EXOC4: variants seen among roughly 807,000 people sequenced by gnomAD.
EXOC4 encodes SEC8-like 1.
Under a neutral mutation model 107.2 loss-of-function variants are expected in EXOC4, and 71 were observed. The ratio of observed to expected loss-of-function variants is 0.66; its 90% CI spans 0.55 to 0.81. The LOEUF is 0.81. Ranked by LOEUF, EXOC4 falls within the 30% of genes least tolerant of loss-of-function variation. EXOC4 has a pLI of 0.00. For synonymous variants in EXOC4, 456 were observed against 441.2 expected (o/e 1.03, Z -0.42); for missense variants, 1,108 against 1,189.6 (o/e 0.93, Z 1.01).
chr7:133,728,601 A>G (rs1006216388), intron 10 of EXOC4, among the ~76,000 whole-genome samples: 5 of 152,204 alleles, frequency 3.3e-5, no homozygotes, highest in East Asian at 1.9e-4. Flanking sequence ...CTTCATTGCC[A>G]TCTAGCTATT....
At chr7:133,526,349 G>T (rs192113165) in intron 9 of EXOC4, among the ~76,000 whole-genome samples, 7 of 152,160 alleles carry the variant, frequency 4.6e-5, no homozygotes, top group Non-Finnish European at 8.8e-5. Flanking sequence ...TTGATATCAG[G>T]TTAGGAATTT....
At chr7:133,646,439 C>CT (rs899096612) in intron 10 of EXOC4, among the ~76,000 whole-genome samples, 14 of 151,402 alleles carry the variant, frequency 9.2e-5, no homozygotes, top group African/African-American at 1.7e-4. Flanking sequence ...ATCTCATTTT[C>CT]TTTTTTTTTC....
chr7:133,752,083 C>G (rs1795806375), intron 10 of EXOC4, among the ~76,000 whole-genome samples: 1 of 152,056 alleles, frequency 6.6e-6, no homozygotes, highest in Admixed American at 6.6e-5. Context: ...ATCTCAGGAG[C>G]CCAGGAGTTT....
At chr7:133,941,606 A>G (rs1019347260) in intron 14 of EXOC4, among the ~76,000 whole-genome samples, 1 of 152,064 alleles carries the variant, frequency 6.6e-6, no homozygotes. Context: ...TTCCCCTACC[A>G]CACAGTACAC....
rs948247916 is a variant in EXOC4 at position 133,837,716 on chromosome 7, G to A, written c.1734+20172G>A. 2.0e-5 allele frequency among the ~76,000 whole-genome samples: 3 copies of A among 152,188 alleles called. No homozygotes were observed. In the East Asian group the frequency reaches 5.8e-4, roughly 29 times the overall value. ...TTCCAGTGAGGATTCTAATTCTAAC[G>A]TGGTTTTCACAAGCCTAAGTTTCAC... On this transcript the variant is annotated intron_variant, in intron 11 of 17. Transcript: ENST00000253861.
intron 2 of EXOC4, among the ~76,000 whole-genome samples, chr7:133,281,874 C>A (rs1260202984): frequency 6.6e-6 from 1 of 151,896 alleles, no homozygotes; most frequent in East Asian, 1.9e-4. Flanking sequence ...GCTAATATTT[C>A]TATTTTTTAG....
In EXOC4 at chr7:133,409,662, A is replaced by AT. The variant is rs574761610; in HGVS notation, c.1182+34663dup. 4.6e-5 allele frequency among the ~76,000 whole-genome samples: 7 copies of AT among 152,238 alleles called. No individual in the cohort carries two copies. The South Asian group carries it at 1.4e-3, about 32-fold the overall frequency. ...TATTAACAATTGACCTTATTCAGAC[A>AT]TTTGGCAGGCTGTGGTCATTATTAA... On this transcript the variant is annotated intron_variant, in intron 7 of 17. Coordinates refer to ENST00000253861, the MANE Select transcript of EXOC4 (RefSeq NM_021807.4).
At position 134,065,532 on chromosome 7, in the gene EXOC4, C is replaced by T. The variant is rs1361113116; in HGVS notation, c.*1004C>T. On this transcript the variant is annotated 3_prime_UTR_variant, in exon 18 of 18. Transcript: ENST00000253861. ...TGGCACACTGGACCTCACCATGTCC[C>T]CCGGTCACCAGTCCTCTTGCTGCCC... is the stretch of plus-strand genomic sequence containing the variant. 2 of 152,252 alleles carry T rather than the reference C, an allele frequency of 1.3e-5. No homozygotes were observed. The highest frequency in any genetic ancestry group is 1.3e-4 in the Admixed American group (2 of 15,284). The allele number at this position is 152,252 out of a possible 1,614,324, so 9.4% of individuals were successfully genotyped here.
rs148483211 is a variant in EXOC4, at chr7:133,321,703, A to G, written c.763+4313A>G. ...ATAAACATACATGTGCATGTGCTTT[A>G]TAGTAAAACGATTTATAATCTTTGG... On this transcript the variant is annotated intron_variant, in intron 5 of 17. Coordinates refer to ENST00000253861, the MANE Select transcript of EXOC4 (RefSeq NM_021807.4). Among the ~76,000 whole-genome samples the G allele has an allele frequency of 8.1e-4, 123 of 152,294 alleles. 1 individual carries two copies. The East Asian group carries it at 0.015, about 18-fold the overall frequency.
chr7:133,611,019 C>T (rs1281344955), intron 9 of EXOC4, among the ~76,000 whole-genome samples: 3 of 142,834 alleles, frequency 2.1e-5, no homozygotes, highest in East Asian at 4.1e-4. Context: ...GATGGAGTTT[C>T]ACCTGAACTC....
intron 6 of EXOC4, among the ~76,000 whole-genome samples, chr7:133,361,624 A>G (rs983911205): frequency 6.6e-6 from 1 of 152,194 alleles, no homozygotes; most frequent in African/African-American, 2.4e-5. Context: ...AATGTTTGAG[A>G]GTTCCTATAT....
At chr7:133,779,083 C>G (rs1796407358) in intron 10 of EXOC4, among the ~76,000 whole-genome samples, 1 of 152,184 alleles carries the variant, frequency 6.6e-6, no homozygotes. Context: ...ATTGATTCAC[C>G]TTGGTGAGTA....
chr7:133,503,890 G>C (rs1355514989), intron 9 of EXOC4, among the ~76,000 whole-genome samples: 1 of 152,034 alleles, frequency 6.6e-6, no homozygotes, highest in Non-Finnish European at 1.5e-5. Context: ...TCAGATTAGA[G>C]GGGTGGGGAG....
intron 17 of EXOC4, among the ~76,000 whole-genome samples, chr7:134,050,276 T>C (rs1795754615): frequency 6.6e-6 from 1 of 152,212 alleles, no homozygotes; most frequent in South Asian, 2.1e-4. Flanking sequence ...AAAAATATTA[T>C]GTGCCAGGCG....
At chr7:133,970,081 G>T (rs1801167599) in intron 14 of EXOC4, among the ~76,000 whole-genome samples, 1 of 152,158 alleles carries the variant, frequency 6.6e-6, no homozygotes. Flanking sequence ...TAGCTATAGA[G>T]GCTTTGGGGC....
intron 12 of EXOC4, among the ~76,000 whole-genome samples, chr7:133,897,206 T>G (rs1168831124): frequency 6.6e-6 from 1 of 151,702 alleles, no homozygotes; most frequent in African/African-American, 2.4e-5. Context: ...GATTAATGCT[T>G]ATCCTTCCTC....
chr7:133,614,396 A>G (rs1423259030), intron 9 of EXOC4, among the ~76,000 whole-genome samples: 2 of 152,124 alleles, frequency 1.3e-5, no homozygotes, highest in Non-Finnish European at 2.9e-5. Context: ...TTTGTCCCTG[A>G]AGTCAGGAAT....
chr7:133,914,406 G>GC (rs965447263), intron 12 of EXOC4, among the ~76,000 whole-genome samples: 15 of 152,074 alleles, frequency 9.9e-5, no homozygotes, highest in Non-Finnish European at 1.9e-4. Flanking sequence ...CAGGGAGGGA[G>GC]CTTTATCTGT....
At chr7:134,079,644 C>A in the EXOC4 span, among the ~76,000 whole-genome samples, 1 of 152,190 alleles carries the variant, frequency 6.6e-6, no homozygotes, top group Admixed American at 6.5e-5. Context: ...TCTCAGGGAG[C>A]TGCCCGGTTG....
Sources: allele counts gnomAD v4.1 joint callset (sites outside exome capture counted in the v4.1 genomes callset), GRCh38; gene constraint gnomAD v4.1.1; transcripts MANE v1.5; gene names NCBI Gene and HGNC (gene_info 2026-07-23, HGNC 2026-07-21).